MME: variants seen among roughly 807,000 people sequenced by gnomAD.
The protein encoded by MME is neprilysin.
In MME, 98 loss-of-function variants were observed where a neutral mutation model predicts 113.2. The observed-to-expected ratio is 0.87, with a 90% CI of 0.74 to 1.02. The LOEUF (loss-of-function observed/expected upper bound fraction) is 1.02, where lower values mean the gene tolerates loss of function less well. MME is among the 50% of genes least tolerant of loss of function. MME has a pLI of 0.00. For missense variants in MME, 836 were observed against 896.0 expected (o/e 0.93, Z 0.86); for synonymous variants, 292 against 300.6 (o/e 0.97, Z 0.30).
At chr3:155,055,011 A>G (rs1229206177) in intron 1 of MME, among the ~76,000 whole-genome samples, 1 of 152,202 alleles carries the variant, frequency 6.6e-6, no homozygotes, top group South Asian at 2.1e-4. Flanking sequence ...TGGAGCATCT[A>G]TCTATATGTA....
At chr3:155,064,266 G>A (rs1389268876) in intron 1 of MME, among the ~76,000 whole-genome samples, 2 of 151,974 alleles carry the variant, frequency 1.3e-5, no homozygotes, top group Non-Finnish European at 2.9e-5. Flanking sequence ...TTCAGCCTGG[G>A]CAACAGAGTG....
At chr3:155,141,292 A>C (rs1398441587) in intron 10 of MME, among the ~76,000 whole-genome samples, 1 of 152,208 alleles carries the variant, frequency 6.6e-6, no homozygotes, top group East Asian at 1.9e-4. Context: ...GAAATGAAGA[A>C]AATTGTATAG....
chr3:155,056,658 A>G (rs1183250122), intron 1 of MME, among the ~76,000 whole-genome samples: 1 of 151,944 alleles, frequency 6.6e-6, no homozygotes, highest in African/African-American at 2.4e-5. Flanking sequence ...GTGTCTTTAT[A>G]GCAGCATGAT....
In MME at chr3:155,180,716, T is replaced by G. The variant is rs1713009887; in HGVS notation, c.*257T>G. 2.4e-6 allele frequency: 1 copy of G among 423,658 alleles called. No homozygotes were observed. Among genetic ancestry groups the G allele is most frequent in the Non-Finnish European group, 4.4e-6 (1 of 226,262 alleles). 26.2% of individuals were successfully genotyped at this position (423,658 alleles called of 1,614,324 possible). On this transcript the variant is annotated 3_prime_UTR_variant, in exon 23 of 23. Transcript: ENST00000360490. ...GCTTAATTTCTAAAGATAATATTAC[T>G]GTTTATTTCTGTTTCTCATATGGTC...
At chr3:155,104,698 G>A (rs749524396) in intron 3 of MME, among the ~76,000 whole-genome samples, 6 of 152,188 alleles carry the variant, frequency 3.9e-5, no homozygotes, top group Non-Finnish European at 5.9e-5. Flanking sequence ...AGAGATGTCT[G>A]CCAGGGTCCA....
At chr3:155,061,650 T>A (rs1487648745) in intron 1 of MME, among the ~76,000 whole-genome samples, 1 of 151,540 alleles carries the variant, frequency 6.6e-6, no homozygotes, top group African/African-American at 2.4e-5. Flanking sequence ...ATTCTAACAA[T>A]TTATCTGTAG....
rs751199945 is a variant in MME, at chr3:155,142,241, C to A, written c.1099C>A (p.Leu367Ile). The change falls in exon 12 of 23, where the codon CTT becomes ATT. Residue 367 changes from leucine to isoleucine, a missense_variant. Transcript: ENST00000360490. Reference protein sequence around the residue: ...PILTKYSARDLQNLMSWRFIM... With the variant: ...PILTKYSARDIQNLMSWRFIM... ...GCGGTGGTTTTTTTTATACAGAGAT[C>A]TTCAAAATTTAATGTCCTGGAGATT... 6.2e-7 allele frequency: 1 copy of A among 1,613,294 alleles called. No individual in the cohort carries two copies. The highest frequency in any genetic ancestry group is 1.3e-5 in the African/African-American group (1 of 74,854).
At chr3:155,120,308 G>T (rs1223136935) in intron 8 of MME, among the ~76,000 whole-genome samples, 1 of 112,308 alleles carries the variant, frequency 8.9e-6, no homozygotes, top group African/African-American at 3.1e-5. Flanking sequence ...GTAGATTCTG[G>T]ATATTAGCCC....
At chr3:155,083,177 A>G (rs1319849330) in intron 1 of MME, among the ~76,000 whole-genome samples, 1 of 152,196 alleles carries the variant, frequency 6.6e-6, no homozygotes, top group African/African-American at 2.4e-5. Flanking sequence ...GCATGATGAT[A>G]CAGCTTTATT....
At chr3:155,154,485 A>G (rs1397504888) in intron 16 of MME, among the ~76,000 whole-genome samples, 1 of 152,174 alleles carries the variant, frequency 6.6e-6, no homozygotes, top group Non-Finnish European at 1.5e-5. Context: ...GCTAGACTGT[A>G]GAATGTGTCT....
At chr3:155,039,563 A>G (rs1713237001) in intron 1 of MME, among the ~76,000 whole-genome samples, 2 of 152,158 alleles carry the variant, frequency 1.3e-5, no homozygotes, top group East Asian at 1.9e-4. Flanking sequence ...CAGATCTTTG[A>G]ATTTTAAAAA....
chr3:155,062,659 A>G (rs1316451430), intron 1 of MME, among the ~76,000 whole-genome samples: 1 of 152,190 alleles, frequency 6.6e-6, no homozygotes, highest in Admixed American at 6.5e-5. Flanking sequence ...ATCCAGAAGT[A>G]ATGATATTAT....
intron 9 of MME, among the ~76,000 whole-genome samples, chr3:155,139,983 C>T (rs1333449110): frequency 4.6e-5 from 7 of 152,156 alleles, no homozygotes; most frequent in Admixed American, 6.6e-5. Flanking sequence ...CTTGACCCCA[C>T]AGCCAAATCT....
chr3:155,084,430 C>T (rs1715474447), intron 2 of MME, 103 bp downstream of exon 2: 1 of 1,149,508 alleles, frequency 8.7e-7, no homozygotes, highest in Non-Finnish European at 1.3e-6. Flanking sequence ...GATAGAGGCA[C>T]TTAAAGACTG....
upstream of MME, chr3:155,079,635 G>GA (rs999584914): frequency 7.2e-6 from 1 of 139,276 alleles, no homozygotes; most frequent in Non-Finnish European, 1.6e-5. Flanking sequence ...GGGGGTGGGG[G>GA]GGGTGGGCCG....
intron 15 of MME, among the ~76,000 whole-genome samples, chr3:155,147,758 TTGC>T (rs1721630346): frequency 6.6e-6 from 1 of 152,210 alleles, no homozygotes; most frequent in South Asian, 2.1e-4. Context: ...ACTGAAAGTC[TTGC>T]TGCTAACTCT....
At chr3:155,057,121 C>T (rs908642069) in intron 1 of MME, among the ~76,000 whole-genome samples, 1 of 152,106 alleles carries the variant, frequency 6.6e-6, no homozygotes. Context: ...TAAAGAGCTT[C>T]TGCACAGCAA....
At chr3:155,063,700 A>ATATTG (rs1348639823) in intron 1 of MME, among the ~76,000 whole-genome samples, 2 of 135,272 alleles carry the variant, frequency 1.5e-5, no homozygotes, top group African/African-American at 5.5e-5. Context: ...ATATTATATT[A>ATATTG]TATTATATTA....
intron 17 of MME, among the ~76,000 whole-genome samples, chr3:155,164,221 A>G (rs1330473487): frequency 6.6e-6 from 1 of 152,166 alleles, no homozygotes; most frequent in Non-Finnish European, 1.5e-5. Flanking sequence ...CTACATATGA[A>G]ATATTCTAAA....
Sources: allele counts gnomAD v4.1 joint callset (sites outside exome capture counted in the v4.1 genomes callset), GRCh38; gene constraint gnomAD v4.1.1; transcripts MANE v1.5; gene names NCBI Gene and HGNC (gene_info 2026-07-23, HGNC 2026-07-21).